Variants in JAK1 observed in about 807,000 individuals in gnomAD.
The protein encoded by JAK1 is Janus kinase 1.
Under a neutral mutation model 136.6 loss-of-function variants are expected in JAK1, and 16 were observed. That is an observed-to-expected ratio of 0.12 (90% CI 0.08 to 0.18). The LOEUF (loss-of-function observed/expected upper bound fraction) is 0.18. JAK1 is among the 10% of genes least tolerant of loss of function. The probability of loss-of-function intolerance (pLI) is 1.00; values close to 1 mark genes in which losing one functional copy is unlikely to be tolerated. For synonymous variants in JAK1, 492 were observed against 519.5 expected, an observed-to-expected ratio of 0.95 and a Z score of 0.72; for missense variants, 859 against 1,450.1, an observed-to-expected ratio of 0.59 and a Z score of 6.62.
At chr1:64,946,555 T>C (rs1645990594) in intron 1 of JAK1, among the ~76,000 whole-genome samples, 1 of 152,242 alleles carries the variant, frequency 6.6e-6, no homozygotes, top group South Asian at 2.1e-4. Flanking sequence ...TCTAATGTTC[T>C]TTGTTTTCTA....
At chr1:64,870,034 A>G (rs1656981119) in intron 5 of JAK1, among the ~76,000 whole-genome samples, 2 of 152,142 alleles carry the variant, frequency 1.3e-5, no homozygotes, top group South Asian at 2.1e-4. Flanking sequence ...CCACTGATGG[A>G]GGTGCACAGC....
At chr1:64,985,311 C>A in intron 2 of JAK1, 3 of 1,610,608 alleles carry the variant, frequency 1.9e-6, no homozygotes. Context: ...GCTGGATACT[C>A]TAAAGAGCTC....
chr1:64,833,288 C>T lies in JAK1; in HGVS notation c.*1274G>A, dbSNP rs9128. 1,945 of 232,132 alleles carry T rather than the reference C, an allele frequency of 8.4e-3. 13 individuals are homozygous for T. The highest frequency in any genetic ancestry group is 0.012 in the Non-Finnish European group (1,435 of 117,098). The allele number at this position is 232,132 out of a possible 1,614,324, so 14.4% of individuals were successfully genotyped here. On this transcript the variant is annotated 3_prime_UTR_variant, in exon 25 of 25. Coordinates refer to ENST00000342505, the MANE Select transcript of JAK1 (RefSeq NM_002227.4). ...AAACAAAGTGCATATAGAGTGGCCA[C>T]AGGTTTGACACAGAGACCTTGGTGA...
intron 1 of JAK1, among the ~76,000 whole-genome samples, chr1:64,899,321 G>T (rs1467016612): frequency 6.6e-6 from 1 of 152,200 alleles, no homozygotes; most frequent in African/African-American, 2.4e-5. Context: ...TATCTAGTCA[G>T]TAAAGTTGGT....
rs147521383 is a variant in JAK1, at chr1:65,023,859, G to A, written c.-78+20621C>T. On this transcript the variant is annotated intron_variant, in intron 2 of 25. Transcript: ENST00000671954. ...GATTGCATGTAAATGGAGTCATACC[G>A]TATTTATTATTTTGCATCTGGTGTC... Among the ~76,000 whole-genome samples the A allele has an allele frequency of 5.4e-5, 8 of 148,978 alleles. No homozygotes were observed. In the East Asian group the frequency reaches 7.9e-4, roughly 15 times the overall value.
chr1:65,052,118 A>ATTTT (rs71056073), intron 1 of JAK1, among the ~76,000 whole-genome samples: 1,160 of 93,528 alleles, frequency 0.012, 19 homozygotes, highest in African/African-American at 0.043. Context: ...ACGCCTGGCT[A>ATTTT]TTTTTTTTTT....
At chr1:64,948,960 C>T (rs1646034373) in intron 1 of JAK1, among the ~76,000 whole-genome samples, 1 of 152,096 alleles carries the variant, frequency 6.6e-6, no homozygotes, top group South Asian at 2.1e-4. Context: ...AACTTACTGT[C>T]CTAGAAGTAA....
intron 2 of JAK1, among the ~76,000 whole-genome samples, chr1:65,033,035 T>C (rs1253464047): frequency 1.3e-5 from 2 of 152,386 alleles, no homozygotes; most frequent in Middle Eastern, 3.4e-3. Flanking sequence ...CTGGGAAACC[T>C]ACCCTTTACC....
intron 1 of JAK1, among the ~76,000 whole-genome samples, chr1:64,940,952 G>T (rs1645879683): frequency 6.6e-6 from 1 of 152,144 alleles, no homozygotes; most frequent in South Asian, 2.1e-4. Flanking sequence ...ACAACCTGAG[G>T]TCAGGAGTTC....
intron 1 of JAK1, among the ~76,000 whole-genome samples, chr1:64,897,630 G>A (rs1488955578): frequency 6.8e-6 from 1 of 147,874 alleles, no homozygotes; most frequent in African/African-American, 2.5e-5. Flanking sequence ...GACTAAACAG[G>A]TTTGTGTAGA....
chr1:64,994,957 A>G (rs1455840429), intron 2 of JAK1: 25 of 85,440 alleles, frequency 2.9e-4, no homozygotes, highest in African/African-American at 9.6e-4. Flanking sequence ...GGTAATTCCT[A>G]AACTGCAAAA....
At chr1:65,046,831 T>A (rs1268086347) in intron 1 of JAK1, among the ~76,000 whole-genome samples, 1 of 131,956 alleles carries the variant, frequency 7.6e-6, no homozygotes, top group Admixed American at 9.2e-5. Context: ...ATTACAGGTG[T>A]GAGCCACCGC....
chr1:64,868,554 G>T (rs558241498), intron 6 of JAK1, among the ~76,000 whole-genome samples: 1 of 152,152 alleles, frequency 6.6e-6, no homozygotes, highest in East Asian at 1.9e-4. Flanking sequence ...GAGCAGTATC[G>T]ACTCAATCCC....
At chr1:65,009,063 C>G (rs2100766174) in intron 2 of JAK1, among the ~76,000 whole-genome samples, 1 of 152,272 alleles carries the variant, frequency 6.6e-6, no homozygotes, top group African/African-American at 2.4e-5. Context: ...CTTATGTTCA[C>G]TACACAGTTG....
chr1:64,992,612 A>G (rs1312992527), intron 2 of JAK1: 2 of 151,940 alleles, frequency 1.3e-5, no homozygotes, highest in African/African-American at 2.4e-5. Context: ...GATTTAGGCC[A>G]GGCGCGGTGG....
At chr1:64,985,914 GACA>G in intron 2 of JAK1, 1 of 781,712 alleles carries the variant, frequency 1.3e-6, no homozygotes. Flanking sequence ...GCACCAAAGG[GACA>G]AGCACAACAT....
intron 14 of JAK1, 77 bp downstream of exon 14, chr1:64,846,572 G>A (rs1655244714): frequency 9.5e-7 from 1 of 1,048,524 alleles, no homozygotes; most frequent in Non-Finnish European, 1.5e-6. Context: ...GTGAGGGTGG[G>A]AAGAGCCTCC....
intron 2 of JAK1, among the ~76,000 whole-genome samples, chr1:65,040,864 G>T (rs1457672511): frequency 6.6e-6 from 1 of 152,164 alleles, no homozygotes; most frequent in African/African-American, 2.4e-5. Flanking sequence ...GAAAAATCAT[G>T]AAACACAAGA....
At chr1:64,974,970 T>C (rs1364379214) in intron 2 of JAK1, among the ~76,000 whole-genome samples, 2 of 151,966 alleles carry the variant, frequency 1.3e-5, no homozygotes, top group African/African-American at 4.8e-5. Context: ...AGTGCAATGA[T>C]GCAATCTCGG....
Sources: allele counts gnomAD v4.1 joint callset (sites outside exome capture counted in the v4.1 genomes callset), GRCh38; gene constraint gnomAD v4.1.1; transcripts MANE v1.5; gene names NCBI Gene and HGNC (gene_info 2026-07-23, HGNC 2026-07-21).